The following ERG variants were observed in gnomAD, a reference collection of about 807,000 sequenced individuals.
The protein encoded by ERG is ETS transcription factor ERG, also known as transcriptional regulator ERG.
Under a neutral mutation model 55.3 loss-of-function variants are expected in ERG, and 9 were observed. That is an observed-to-expected ratio of 0.16 (90% confidence interval 0.10 to 0.28). ERG has a LOEUF of 0.28. Ranked by LOEUF, ERG falls within the 10% of genes least tolerant of loss-of-function variation. The probability of loss-of-function intolerance (pLI) is 1.00; values close to 1 mark genes in which losing one functional copy is unlikely to be tolerated. For missense variants in ERG, 434 were observed against 631.6 expected (o/e 0.69, Z 3.35); for synonymous variants, 223 against 237.3 (o/e 0.94, Z 0.55).
upstream of ERG, among the ~76,000 whole-genome samples, chr21:38,586,726 A>G (rs879909817): frequency 9.9e-5 from 15 of 152,236 alleles, no homozygotes; most frequent in Non-Finnish European, 2.2e-4. Context: ...CTACAACTCA[A>G]TTTGGTATGT....
At chr21:38,652,561 A>G (rs1228826646) in intron 1 of ERG, among the ~76,000 whole-genome samples, 1 of 152,252 alleles carries the variant, frequency 6.6e-6, no homozygotes, top group Non-Finnish European at 1.5e-5. Context: ...GGCAGGCCTC[A>G]GGGTCTCACA....
At chr21:38,618,837 G>T (rs2060273801) in intron 1 of ERG, among the ~76,000 whole-genome samples, 1 of 152,174 alleles carries the variant, frequency 6.6e-6, no homozygotes, top group African/African-American at 2.4e-5. Context: ...TTGTGCCTCT[G>T]TTTCATCAAC....
chr21:38,392,297 A>G (rs1426238182), intron 7 of ERG, 79 bp downstream of exon 7: 14 of 1,234,466 alleles, frequency 1.1e-5, no homozygotes, highest in Non-Finnish European at 1.5e-5. Flanking sequence ...GATTAACCAC[A>G]GAAATTATTA....
intron 2 of ERG, among the ~76,000 whole-genome samples, chr21:38,504,734 T>TGAG (rs1417586031): frequency 3.9e-5 from 6 of 152,342 alleles, no homozygotes; most frequent in African/African-American, 1.2e-4. Flanking sequence ...AAAGTATCCT[T>TGAG]TCCCAGGTAC....
chr21:38,476,845 G>A (rs2059192798), intron 1 of ERG, among the ~76,000 whole-genome samples: 1 of 152,132 alleles, frequency 6.6e-6, no homozygotes, highest in Non-Finnish European at 1.5e-5. Flanking sequence ...TGGCCTTGGT[G>A]TGAGTGGGCT....
intron 1 of ERG, among the ~76,000 whole-genome samples, chr21:38,605,639 G>T (rs1341012838): frequency 6.6e-6 from 1 of 152,206 alleles, no homozygotes; most frequent in East Asian, 1.9e-4. Flanking sequence ...AGCACTGCGG[G>T]TGGGGTTCCA....
intron 3 of ERG, among the ~76,000 whole-genome samples, chr21:38,420,288 C>CTG (rs199860613): frequency 0.046 from 5,818 of 126,404 alleles, 245 homozygotes; most frequent in African/African-American, 0.13. Flanking sequence ...TGCAATGAAG[C>CTG]TGTGTGTGTG....
chr21:38,504,538 T>C (rs796726389), intron 2 of ERG, among the ~76,000 whole-genome samples: 5 of 152,392 alleles, frequency 3.3e-5, no homozygotes, highest in African/African-American at 1.2e-4. Flanking sequence ...GGCTTCTCCA[T>C]ATAATTTGGA....
At chr21:38,415,723 T>C (rs997126332) in intron 3 of ERG, among the ~76,000 whole-genome samples, 22 of 152,140 alleles carry the variant, frequency 1.4e-4, no homozygotes, top group African/African-American at 5.1e-4. Context: ...TTCACCTCTC[T>C]CAGTCTTGGT....
chr21:38,425,239 T>C (rs2013651), intron 2 of ERG, among the ~76,000 whole-genome samples: 114,016 of 151,914 alleles, frequency 0.75, 43,199 homozygotes, highest in East Asian at 0.94. Flanking sequence ...CAAAATTAGC[T>C]GGGCAAGTGG....
chr21:38,476,657 A>G (rs1314965681), intron 1 of ERG, among the ~76,000 whole-genome samples: 1 of 152,184 alleles, frequency 6.6e-6, no homozygotes, highest in Non-Finnish European at 1.5e-5. Flanking sequence ...CCTTCACCCG[A>G]CAAGCTCTGT....
At position 38,457,218 on chromosome 21, in the gene ERG, C is replaced by T. The variant is rs370179156; in HGVS notation, c.19-11597G>A. Among the ~76,000 whole-genome samples the T allele has an allele frequency of 1.3e-3, 191 of 152,264 alleles. 1 individual carries two copies. Among genetic ancestry groups the T allele is most frequent in the Non-Finnish European group, 2.6e-3 (175 of 68,014 alleles). ...TTGGGAGGTGGAGGCAGGCAGACCA[C>T]GAGGTCAGGAGATGGAAAACATCCT... On this transcript the variant is annotated intron_variant, in intron 1 of 9. Coordinates refer to ENST00000288319, the MANE Select transcript of ERG (RefSeq NM_182918.4).
At chr21:38,537,631 G>GTAA (rs2059720949) in intron 2 of ERG, among the ~76,000 whole-genome samples, 1 of 152,006 alleles carries the variant, frequency 6.6e-6, no homozygotes, top group African/African-American at 2.4e-5. Flanking sequence ...GAAATACTTC[G>GTAA]TAGCCATTAG....
At chr21:38,635,253 C>T (rs1009648729) in intron 1 of ERG, among the ~76,000 whole-genome samples, 2 of 152,004 alleles carry the variant, frequency 1.3e-5, no homozygotes, top group Non-Finnish European at 2.9e-5. Flanking sequence ...TGAATCCTTT[C>T]TGAAAAATGT....
chr21:38,499,985 C>A (rs1372634496), upstream of ERG, among the ~76,000 whole-genome samples: 1 of 152,122 alleles, frequency 6.6e-6, no homozygotes, highest in Admixed American at 6.5e-5. Flanking sequence ...GTGTTGATTT[C>A]CGCTCTTTTC....
intron 1 of ERG, among the ~76,000 whole-genome samples, chr21:38,608,838 G>A (rs567859003): frequency 2.6e-5 from 4 of 152,270 alleles, no homozygotes; most frequent in Admixed American, 6.5e-5. Context: ...CTTGGGAGGC[G>A]GTTTAGGGAG....
intron 1 of ERG, among the ~76,000 whole-genome samples, chr21:38,649,287 C>T (rs1178031379): frequency 6.6e-6 from 1 of 152,188 alleles, no homozygotes; most frequent in African/African-American, 2.4e-5. Flanking sequence ...CTGAGAGCCA[C>T]ACCCATGAGC....
At chr21:38,627,878 G>A (rs1014617975) in intron 1 of ERG, among the ~76,000 whole-genome samples, 13 of 151,496 alleles carry the variant, frequency 8.6e-5, no homozygotes, top group African/African-American at 2.9e-4. Flanking sequence ...AAGAGTCTGG[G>A]AATATACAAA....
At chr21:38,610,526 C>CGTGTGTGTGT (rs148197703) in intron 1 of ERG, among the ~76,000 whole-genome samples, 1,880 of 150,480 alleles carry the variant, frequency 0.012, 42 homozygotes, top group African/African-American at 0.044. Context: ...CGCGCACGCG[C>CGTGTGTGTGT]GTGTGTGTGT....
Sources: gnomAD v4.1 joint callset for allele counts (sites outside exome capture counted in the v4.1 genomes callset) on GRCh38, gnomAD v4.1.1 for gene constraint, MANE v1.5 for transcripts, NCBI Gene and HGNC (gene_info 2026-07-23, HGNC 2026-07-21) for gene names.